Variants in RNF145 observed in about 807,000 individuals in gnomAD.
RNF145 encodes the protein ring finger protein 145.
A neutral mutation model predicts 57.3 loss-of-function variants in RNF145; 12 were observed. The ratio of observed to expected loss-of-function variants is 0.21; its 90% CI spans 0.13 to 0.34. RNF145 has a LOEUF of 0.34. Among genes scored for constraint, RNF145 ranks in the 10% least tolerant of loss-of-function variants. RNF145 has a pLI of 1.00. For synonymous variants in RNF145, 262 were observed against 288.3 expected (o/e 0.91, Z 0.92); for missense variants, 429 against 799.0 (o/e 0.54, Z 5.58).
At chr5:159,184,050 A>G (rs1784982760) in intron 3 of RNF145, among the ~76,000 whole-genome samples, 1 of 152,232 alleles carries the variant, frequency 6.6e-6, no homozygotes, top group East Asian at 1.9e-4. Context: ...AGAAAGCCAC[A>G]AAGTGCCCCA....
In RNF145 at chr5:159,159,051, A is replaced by G; in HGVS notation, c.1627-16T>C. On this transcript the variant is annotated splice_polypyrimidine_tract_variant and intron_variant, in intron 10 of 10. Coordinates refer to ENST00000424310, the MANE Select transcript of RNF145 (RefSeq NM_001199383.2). ...ATTTCATGTCCTAAAAGAGGGGGAAAAAAGATACCTTATAAATGTCTGTTT... is the reference window on the plus strand; with the variant it reads ...ATTTCATGTCCTAAAAGAGGGGGAAGAAAGATACCTTATAAATGTCTGTTT... The G allele has an allele frequency of 6.3e-7, 1 of 1,597,686 alleles. No homozygotes were observed. Among genetic ancestry groups the G allele is most frequent in the Non-Finnish European group, 8.5e-7 (1 of 1,170,654 alleles).
rs184387333 is a variant in RNF145 at position 159,190,448 on chromosome 5, G to A, written c.293+4268C>T. On this transcript the variant is annotated intron_variant, in intron 3 of 10. Coordinates refer to ENST00000424310, the MANE Select transcript of RNF145 (RefSeq NM_001199383.2). Reference sequence around the variant, plus strand: ...TACCTGTAATCCCAAAGCTTTGGGAGGCTGAGGCAGGAGGATATCTTGAGG... The same window carrying A: ...TACCTGTAATCCCAAAGCTTTGGGAAGCTGAGGCAGGAGGATATCTTGAGG... Among the ~76,000 whole-genome samples the A allele has an allele frequency of 2.0e-5, 3 of 152,196 alleles. No individual in the cohort carries two copies. The East Asian group carries it at 5.8e-4, about 29-fold the overall frequency.
intron 3 of RNF145, among the ~76,000 whole-genome samples, chr5:159,192,521 T>C (rs539314904): frequency 9.2e-5 from 14 of 152,184 alleles, no homozygotes; most frequent in East Asian, 1.9e-4. Flanking sequence ...AGATATTATA[T>C]GGCTATACAT....
intron 2 of RNF145, among the ~76,000 whole-genome samples, chr5:159,199,047 TAAAC>T (rs768475715): frequency 6.6e-6 from 1 of 152,130 alleles, no homozygotes; most frequent in East Asian, 1.9e-4. Flanking sequence ...ACTGAGATAA[TAAAC>T]AACCCCCTTC....
intron 3 of RNF145, 78 bp downstream of exon 3, chr5:159,194,638 G>T: frequency 1.1e-6 from 1 of 923,434 alleles, no homozygotes; most frequent in Non-Finnish European, 1.8e-6. Context: ...ACTTAACAGT[G>T]TTCATGAAAA....
chr5:159,171,354 T>C (rs1784549162), intron 6 of RNF145, among the ~76,000 whole-genome samples: 1 of 152,188 alleles, frequency 6.6e-6, no homozygotes, highest in African/African-American at 2.4e-5. Flanking sequence ...CAAAGGTCCA[T>C]ACTATTTCTC....
rs139348704 is a variant in RNF145, at chr5:159,195,637, C to G, written c.185-813G>C. On this transcript the variant is annotated intron_variant, in intron 2 of 10. Coordinates refer to ENST00000424310, the MANE Select transcript of RNF145 (RefSeq NM_001199383.2). The stretch of plus-strand genomic sequence containing the variant: ...GTTCATATGGATTTCCTCTTACCCT[C>G]TAACTTCTCTAATTTCTTTTCACGC... Among the ~76,000 whole-genome samples, 756 of 152,272 alleles carry G rather than the reference C, an allele frequency of 5.0e-3. 3 individuals are homozygous for G. Among genetic ancestry groups the G allele is most frequent in the Middle Eastern group, 6.8e-3 (2 of 294 alleles).
intron 10 of RNF145, among the ~76,000 whole-genome samples, chr5:159,160,528 G>C (rs1378811378): frequency 1.3e-5 from 2 of 152,040 alleles, no homozygotes; most frequent in Non-Finnish European, 2.9e-5. Context: ...TTTAAAAATG[G>C]GACATAGTTT....
In RNF145 at chr5:159,203,624, T is replaced by G. The variant is rs774313803; in HGVS notation, c.-7A>C. 127 of 1,594,568 alleles carry G rather than the reference T, an allele frequency of 8.0e-5. No homozygotes were observed. The highest frequency in any genetic ancestry group is 1.0e-4 in the Non-Finnish European group (120 of 1,174,590). ...GTTTCTCCTTTGCAGCCATGTTGTT[T>G]TTTTTTTTCTTTTTTTTTTTCTTGG... On this transcript the variant is annotated 5_prime_UTR_variant, in exon 2 of 11. Coordinates refer to ENST00000424310, the MANE Select transcript of RNF145 (RefSeq NM_001199383.2).
intron 1 of RNF145, chr5:159,207,901 C>A: frequency 6.2e-7 from 1 of 1,612,770 alleles, no homozygotes; most frequent in Non-Finnish European, 8.5e-7. Flanking sequence ...TGCCATCGGC[C>A]GCTCAGCCTG....
At chr5:159,174,251 G>T in intron 5 of RNF145, 93 bp from the exon 6 acceptor site, 1 of 808,142 alleles carries the variant, frequency 1.2e-6, no homozygotes, top group East Asian at 2.8e-5. Context: ...ATATTAAATA[G>T]CTTTTCTTTG....
chr5:159,187,330 GAAA>G (rs879885941), intron 3 of RNF145, among the ~76,000 whole-genome samples: 1 of 150,338 alleles, frequency 6.7e-6, no homozygotes, highest in Non-Finnish European at 1.5e-5. Flanking sequence ...TTTTTTTAAA[GAAA>G]AAAAATTTTT....
Position 159,193,015 on chromosome 5 carries a change from A to AGACTGTGT in RNF145, c.293+1700_293+1701insACACAGTC, listed in dbSNP as rs112553391. ...GGTATCGGGGTAAGGCCACAGGAAC[A>AGACTGTGT]GAGGTGTGGGGGCTGGTGGTACTAG... On this transcript the variant is annotated intron_variant, in intron 3 of 10. Transcript: ENST00000424310. 2.8e-3 allele frequency among the ~76,000 whole-genome samples: 420 copies of AGACTGTGT among 152,328 alleles called. 2 individuals are homozygous for AGACTGTGT. Among genetic ancestry groups the AGACTGTGT allele is most frequent in the African/African-American group, 9.5e-3 (396 of 41,586 alleles).
intron 8 of RNF145, among the ~76,000 whole-genome samples, chr5:159,168,256 A>C (rs1304780268): frequency 3.0e-4 from 46 of 152,194 alleles, no homozygotes; most frequent in Non-Finnish European, 7.4e-5. Context: ...ACTATGTATC[A>C]ATAAAATATA....
chr5:159,181,833 G>A, intron 4 of RNF145, 127 bp downstream of exon 4: 1 of 591,374 alleles, frequency 1.7e-6, no homozygotes, highest in Non-Finnish European at 3.1e-6. Context: ...ATGGGTATAT[G>A]TGGGAAAAGT....
At chr5:159,182,619 T>C (rs1784930169) in intron 3 of RNF145, among the ~76,000 whole-genome samples, 1 of 152,158 alleles carries the variant, frequency 6.6e-6, no homozygotes, top group African/African-American at 2.4e-5. Flanking sequence ...ACATATTTAC[T>C]TTGAAGCAAA....
chr5:159,176,650 T>C lies in RNF145; in HGVS notation c.603A>G (p.Ala201=). 2 of 1,607,510 alleles carry C rather than the reference T, an allele frequency of 1.2e-6. No individual in the cohort carries two copies. Among genetic ancestry groups the C allele is most frequent in the South Asian group, 2.2e-5 (2 of 90,888 alleles). The change falls in exon 5 of 11, where the codon GCA becomes GCG. Residue 201 remains alanine, a synonymous_variant. Coordinates refer to ENST00000424310, the MANE Select transcript of RNF145 (RefSeq NM_001199383.2). ...LLVPYNLAKS[A]YRELVQVVEV... is the part of the protein sequence containing the mutation. ...GTCTTACCTGAACCAATTCTCTGTATGCAGATTTAGCAAGGTTATAAGGTA... is the reference window on the plus strand; with the variant it reads ...GTCTTACCTGAACCAATTCTCTGTACGCAGATTTAGCAAGGTTATAAGGTA...
chr5:159,184,190 C>T (rs1478083236), intron 3 of RNF145, among the ~76,000 whole-genome samples: 1 of 152,198 alleles, frequency 6.6e-6, no homozygotes, highest in African/African-American at 2.4e-5. Context: ...TAAAGCTCAG[C>T]AAACTAAACA....
At position 159,195,519 on chromosome 5, in the gene RNF145, G is replaced by A. The variant is rs910692980; in HGVS notation, c.185-695C>T. On this transcript the variant is annotated intron_variant, in intron 2 of 10. Transcript: ENST00000424310. The stretch of plus-strand genomic sequence containing the variant: ...GCTCTAAAGAAAGTTGGAAGTCAAC[G>A]ACTGCCTACTTATCACATCTAAGAC... Among the ~76,000 whole-genome samples the A allele has an allele frequency of 4.6e-5, 7 of 152,126 alleles. No homozygotes were observed. In the East Asian group the frequency reaches 9.6e-4, roughly 21 times the overall value.
Sources: allele counts gnomAD v4.1 joint callset (sites outside exome capture counted in the v4.1 genomes callset), GRCh38; gene constraint gnomAD v4.1.1; transcripts MANE v1.5; gene names NCBI Gene and HGNC (gene_info 2026-07-23, HGNC 2026-07-21).